The following LRRC4B variants were observed in gnomAD, a reference collection of about 807,000 sequenced individuals.
LRRC4B encodes the protein leucine rich repeat containing 4B, also known as leucine-rich repeat-containing protein 4B.
Under a neutral mutation model 7.3 loss-of-function variants are expected in LRRC4B, and 1 was observed. The observed-to-expected ratio is 0.14, with a 90% CI of 0.05 to 0.65. LRRC4B has a LOEUF of 0.65. Among genes scored for constraint, LRRC4B ranks in the 30% least tolerant of loss-of-function variants. LRRC4B has a pLI of 0.84. For missense variants in LRRC4B, 730 were observed against 1,041.6 expected (o/e 0.70, Z 4.12); for synonymous variants, 500 against 499.2 (o/e 1.00, Z -0.02).
chr19:50,539,187 T>C (rs1205347248), intron 2 of LRRC4B, among the ~76,000 whole-genome samples: 2 of 152,190 alleles, frequency 1.3e-5, no homozygotes, highest in African/African-American at 4.8e-5. Flanking sequence ...CAGGTTTTGT[T>C]TTTTGTTTTT....
intron 2 of LRRC4B, among the ~76,000 whole-genome samples, chr19:50,547,997 A>G (rs1230586490): frequency 2.0e-5 from 3 of 152,046 alleles, no homozygotes; most frequent in Non-Finnish European, 4.4e-5. Flanking sequence ...GACCATGGAA[A>G]CGCCTCCTGT....
Position 50,518,040 on chromosome 19 carries a change from G to T in LRRC4B, c.1673C>A (p.Thr558Lys). ...CTTGAGGGCGTTCTCCGTCACATCCGTGATGGGCACCGTGAACGCCTTCTC... is the reference window on the plus strand; with the variant it reads ...CTTGAGGGCGTTCTCCGTCACATCCTTGATGGGCACCGTGAACGCCTTCTC... Reference protein sequence around the residue: ...PTEKAFTVPITDVTENALKDL... With the variant: ...PTEKAFTVPIKDVTENALKDL... The change falls in exon 3 of 3, where the codon ACG (threonine) becomes AAG (lysine). Residue 558 changes from threonine (T) to lysine (K), a missense_variant. This residue lies in a region of LRRC4B where 192 missense variants were observed against 228.6 expected (regional missense o/e 0.84). Transcript: ENST00000652263. The T allele has an allele frequency of 6.4e-7, 1 of 1,570,598 alleles. No individual in the cohort carries two copies. Among genetic ancestry groups the T allele is most frequent in the East Asian group, 2.3e-5 (1 of 44,402 alleles).
Position 50,519,250 on chromosome 19 carries a change from C to T in LRRC4B, c.463G>A (p.Glu155Lys). 1 of 1,614,076 alleles carries T rather than the reference C, an allele frequency of 6.2e-7. No homozygotes were observed. The highest frequency in any genetic ancestry group is 2.2e-5 in the East Asian group (1 of 44,882). The change falls in exon 3 of 3, where the codon GAG becomes AAG. Residue 155 changes from glutamate (E) to lysine (K), a missense_variant. By Grantham distance (56) the Glu-to-Lys change is moderately conservative (BLOSUM62 1). This residue lies in a region of LRRC4B where 226 missense variants were observed against 448.0 expected (regional missense o/e 0.50). Transcript: ENST00000652263. This position sits in a 1 kb window ranked among gnomAD's most constrained non-coding sequence, Gnocchi z 8.1. ...RLTTVPTQAF[E>K]YLSKLRELWL... Reference sequence around the variant, plus strand: ...AGCTCCCGCAGCTTGGACAGGTACTCGAAGGCCTGCGTGGGCACCGTGGTC... The same window carrying T: ...AGCTCCCGCAGCTTGGACAGGTACTTGAAGGCCTGCGTGGGCACCGTGGTC...
In LRRC4B at chr19:50,537,319, G is replaced by A. The variant is rs1473324619; in HGVS notation, c.297+11223C>T. On this transcript the variant is annotated intron_variant, in intron 2 of 2. Coordinates refer to ENST00000652263, the MANE Select transcript of LRRC4B (RefSeq NM_001080457.2). The surrounding 1 kb of genome is among the most constrained non-coding windows in gnomAD (Gnocchi z 5.5). ...ACATGAGAAGAATAGGACCTACTCA[G>A]GGGGCTGTCGTGAGGCTGAAATTCA... Among the ~76,000 whole-genome samples the A allele has an allele frequency of 1.3e-5, 2 of 152,126 alleles. No individual in the cohort carries two copies. Among genetic ancestry groups the A allele is most frequent in the Non-Finnish European group, 2.9e-5 (2 of 68,030 alleles).
At chr19:50,552,182 G>A (rs774491027) in intron 1 of LRRC4B, among the ~76,000 whole-genome samples, 6 of 101,194 alleles carry the variant, frequency 5.9e-5, no homozygotes, top group East Asian at 2.7e-4. Flanking sequence ...TGACCCCCTC[G>A]CCCCCACTTC....
Position 50,519,452 on chromosome 19 carries a change from C to A in LRRC4B, c.298-37G>T. 1 of 1,511,948 alleles carries A rather than the reference C, an allele frequency of 6.6e-7. No individual in the cohort carries two copies. The highest frequency in any genetic ancestry group is 8.8e-7 in the Non-Finnish European group (1 of 1,133,762). 93.7% of individuals were successfully genotyped at this position (1,511,948 alleles called of 1,614,324 possible). A position where few individuals can be genotyped will look rare whatever the true frequency, so the allele number is the denominator to read the frequency against. ...GAGACACGGATCAGTCACGGAGATA[C>A]TGACGGGGACCGTGGGGGGATCACC... On this transcript the variant is annotated intron_variant, in intron 2 of 2. Transcript: ENST00000652263. This position sits in a 1 kb window ranked among gnomAD's most constrained non-coding sequence, Gnocchi z 8.1.
intron 2 of LRRC4B, among the ~76,000 whole-genome samples, chr19:50,539,862 G>A (rs1007855526): frequency 6.7e-6 from 1 of 150,234 alleles, no homozygotes; most frequent in African/African-American, 2.5e-5. Flanking sequence ...ACTCCAGCCT[G>A]GGGGACAGTG....
Position 50,548,272 on chromosome 19 carries a change from T to C in LRRC4B, c.297+270A>G, listed in dbSNP as rs954331387. ...TCGGCCTAGGCCGACCCGCCTGTCC[T>C]GTGCCGGGGGGGCTGGGCAGGTGGC... On this transcript the variant is annotated intron_variant, in intron 2 of 2. Transcript: ENST00000652263. This position sits in a 1 kb window ranked among gnomAD's most constrained non-coding sequence, Gnocchi z 6.8. Among the ~76,000 whole-genome samples, 2 of 152,212 alleles carry C rather than the reference T, an allele frequency of 1.3e-5. No homozygotes were observed. Among genetic ancestry groups the C allele is most frequent in the South Asian group, 2.1e-4 (1 of 4,828 alleles).
At chr19:50,557,789 T>C (rs1982328785) in intron 1 of LRRC4B, 1 of 152,134 alleles carries the variant, frequency 6.6e-6, no homozygotes, top group African/African-American at 2.4e-5. Context: ...GACAGGGGTT[T>C]GAATCGTGTG....
intron 1 of LRRC4B, among the ~76,000 whole-genome samples, chr19:50,550,467 CT>C (rs1478789219): frequency 2.1e-5 from 2 of 95,374 alleles, no homozygotes; most frequent in Admixed American, 1.2e-4. Context: ...CAGGACCCCC[CT>C]CTCACGGTGG....
chr19:50,535,902 G>A (rs962954323), intron 2 of LRRC4B, among the ~76,000 whole-genome samples: 1 of 152,230 alleles, frequency 6.6e-6, no homozygotes. Flanking sequence ...ATCTGAACCT[G>A]GGTGTAAACA....
chr19:50,535,378 G>A (rs920016034), intron 2 of LRRC4B, among the ~76,000 whole-genome samples: 2 of 151,898 alleles, frequency 1.3e-5, no homozygotes, highest in African/African-American at 4.8e-5. Context: ...CACCAAGTTG[G>A]CCGGGCTGGT....
chr19:50,543,852 CAAAA>C lies in LRRC4B; in HGVS notation c.297+4686_297+4689del, dbSNP rs36044151. On this transcript the variant is annotated intron_variant, in intron 2 of 2. Coordinates refer to ENST00000652263, the MANE Select transcript of LRRC4B (RefSeq NM_001080457.2). ...TGGGTGACAGAGTGAGCCTCCATCT[CAAAA>C]AAAAAAAAAAAAAAAAAGAAAGAAA... Among the ~76,000 whole-genome samples, 216 of 83,370 alleles carry C rather than the reference CAAAA, an allele frequency of 2.6e-3. 1 individual carries two copies. Among genetic ancestry groups the C allele is most frequent in the African/African-American group, 1.0e-2 (199 of 19,948 alleles). The allele number at this position is 83,370 out of a possible 152,430, so 54.7% of individuals were successfully genotyped here. A position where few individuals can be genotyped will look rare whatever the true frequency, so the allele number is the denominator to read the frequency against.
chr19:50,562,241 G>T (rs73588610), intron 1 of LRRC4B, among the ~76,000 whole-genome samples: 2,889 of 152,156 alleles, frequency 0.019, 101 homozygotes, highest in African/African-American at 0.065. Context: ...CGACCTGCAG[G>T]GCGGCCCACA....
chr19:50,527,271 A>G (rs1413725764), intron 2 of LRRC4B, among the ~76,000 whole-genome samples: 1 of 150,754 alleles, frequency 6.6e-6, no homozygotes, highest in East Asian at 1.9e-4. Context: ...TGACCTCGTG[A>G]TCTGCCCGCC....
intron 2 of LRRC4B, among the ~76,000 whole-genome samples, chr19:50,535,986 G>T (rs1981265782): frequency 6.6e-6 from 1 of 152,226 alleles, no homozygotes; most frequent in Non-Finnish European, 1.5e-5. Context: ...TAAGGCACCT[G>T]CGGGTGGGGT....
chr19:50,556,249 G>A lies in LRRC4B; in HGVS notation c.-35-7376C>T, dbSNP rs1982270648. 6.6e-6 allele frequency among the ~76,000 whole-genome samples: 1 copy of A among 151,864 alleles called. No individual in the cohort carries two copies. Among genetic ancestry groups the A allele is most frequent in the Non-Finnish European group, 1.5e-5 (1 of 67,918 alleles). On this transcript the variant is annotated intron_variant, in intron 1 of 2. Coordinates refer to ENST00000652263, the MANE Select transcript of LRRC4B (RefSeq NM_001080457.2). This position sits in a 1 kb window ranked among gnomAD's most constrained non-coding sequence, Gnocchi z 4.2. ...AGGACCAACAGGCGGCCCGTGCAGTGGGGGTGCAGTCGGGGTGGGGGTGAG... is the reference window on the plus strand; with the variant it reads ...AGGACCAACAGGCGGCCCGTGCAGTAGGGGTGCAGTCGGGGTGGGGGTGAG...
intron 2 of LRRC4B, among the ~76,000 whole-genome samples, chr19:50,540,416 G>A (rs1305821489): frequency 6.6e-6 from 1 of 152,116 alleles, no homozygotes; most frequent in Non-Finnish European, 1.5e-5. Flanking sequence ...AGGCTGGAGT[G>A]CAGTGGCACG....
intron 1 of LRRC4B, among the ~76,000 whole-genome samples, chr19:50,554,948 G>T (rs910669270): frequency 2.0e-5 from 3 of 152,160 alleles, no homozygotes; most frequent in African/African-American, 7.2e-5. Context: ...CCTGTGTGTG[G>T]GGGGCAGGGT....
Sources: gnomAD v4.1 joint callset for allele counts (sites outside exome capture counted in the v4.1 genomes callset) on GRCh38, gnomAD v4.1.1 for gene constraint, gnomAD v4.1.1 regional missense constraint, Gnocchi (gnomAD v3.1) non-coding constraint, MANE v1.5 for transcripts, NCBI Gene and HGNC (gene_info 2026-07-23, HGNC 2026-07-21) for gene names.